ECE1: variants seen among roughly 807,000 people sequenced by gnomAD.
ECE1 encodes the protein endothelin converting enzyme 1, also known as endothelin-converting enzyme 1.
ECE1 carries 35 observed loss-of-function variants against 98.6 expected under a neutral mutation model. The observed-to-expected ratio is 0.35, with a 90% CI of 0.27 to 0.47. The LOEUF is 0.47. Ranked by LOEUF, ECE1 falls within the 20% of genes least tolerant of loss-of-function variation. The pLI is 1.00. For synonymous variants in ECE1, 394 were observed against 407.1 expected (o/e 0.97, Z 0.39); for missense variants, 814 against 1,025.3 (o/e 0.79, Z 2.81).
rs2098190917 is a variant in ECE1 at position 21,238,242 on chromosome 1, G to C, written c.1281C>G (p.Thr427=). ...CGCAAAACTTCCAGCGAGGAAGACAGGTCTGGAAAACACAAGTCAGGGGGC... is the reference window on the plus strand; with the variant it reads ...CGCAAAACTTCCAGCGAGGAAGACACGTCTGGAAAACACAAGTCAGGGGGC... The part of the protein sequence containing the change: ...FMEVMYGTKK[T]CLPRWKFCVS... The change falls in exon 11 of 19, where the codon ACC becomes ACG. Residue 427 remains threonine (T), a splice_region_variant and synonymous_variant. Coordinates refer to ENST00000374893, the MANE Select transcript of ECE1 (RefSeq NM_001397.3). 1 of 1,613,884 alleles carries C rather than the reference G, an allele frequency of 6.2e-7. No homozygotes were observed. Among genetic ancestry groups the C allele is most frequent in the Non-Finnish European group, 8.5e-7 (1 of 1,179,828 alleles).
upstream of ECE1, chr1:21,290,508 C>A: frequency 8.3e-7 from 1 of 1,209,584 alleles, no homozygotes; most frequent in South Asian, 4.2e-5. The surrounding 1 kb of genome is among the most constrained non-coding windows in gnomAD (Gnocchi z 7.3). Flanking sequence ...GGGGCCTGAT[C>A]GGTTCGCCGG....
chr1:21,252,201 C>T (rs2098213698), intron 8 of ECE1, among the ~76,000 whole-genome samples: 1 of 152,240 alleles, frequency 6.6e-6, no homozygotes, highest in South Asian at 2.1e-4. Flanking sequence ...TTAGGGAAAG[C>T]AGGTGTTCTG....
chr1:21,225,544 G>A lies in ECE1; in HGVS notation c.1850-104C>T, dbSNP rs927855486. On this transcript the variant is annotated intron_variant, in intron 16 of 18. Coordinates refer to ENST00000374893, the MANE Select transcript of ECE1 (RefSeq NM_001397.3). The surrounding 1 kb of genome is among the most constrained non-coding windows in gnomAD (Gnocchi z 5.3). ...AGAAGCGGTTCATCCGTCCACCCCC[G>A]TCCTCCAGCCACCATGGGGAGACGA... The A allele has an allele frequency of 3.9e-5, 53 of 1,354,754 alleles. No homozygotes were observed. The highest frequency in any genetic ancestry group is 3.8e-4 in the Admixed American group (19 of 49,410). The allele number at this position is 1,354,754 out of a possible 1,614,324, so 83.9% of individuals were successfully genotyped here.
chr1:21,329,840 G>A (rs866749593), intron 1 of ECE1, among the ~76,000 whole-genome samples: 1 of 152,174 alleles, frequency 6.6e-6, no homozygotes, highest in African/African-American at 2.4e-5. Flanking sequence ...AGTTTGTGAA[G>A]AGCAAAAGCA....
In ECE1 at chr1:21,247,633, G is replaced by A. The variant is rs572951487; in HGVS notation, c.1021-270C>T. The stretch of plus-strand genomic sequence containing the variant: ...CAGCTGCCGCTACCATTCAGCAAGC[G>A]TCTCCTGTGTGCCAGGAGCCGTGGC... On this transcript the variant is annotated intron_variant, in intron 8 of 18. Transcript: ENST00000374893. Among the ~76,000 whole-genome samples, 22 of 152,320 alleles carry A rather than the reference G, an allele frequency of 1.4e-4. No individual in the cohort carries two copies. The South Asian group carries it at 3.3e-3, about 23-fold the overall frequency.
At chr1:21,290,900 G>C (rs2098266042), upstream of ECE1, among the ~76,000 whole-genome samples, 1 of 152,140 alleles carries the variant, frequency 6.6e-6, no homozygotes, top group Admixed American at 6.5e-5. The surrounding 1 kb of genome is among the most constrained non-coding windows in gnomAD (Gnocchi z 7.3). Context: ...AGGCCTTTAA[G>C]CCAGAGTTCG....
At chr1:21,309,000 C>A (rs1306177966) in intron 1 of ECE1, among the ~76,000 whole-genome samples, 1 of 152,216 alleles carries the variant, frequency 6.6e-6, no homozygotes, top group Admixed American at 6.5e-5. Flanking sequence ...GCAGAAACAG[C>A]AGGGCACCTA....
intron 1 of ECE1, among the ~76,000 whole-genome samples, chr1:21,317,608 T>C (rs781313845): frequency 2.6e-5 from 4 of 152,210 alleles, no homozygotes; most frequent in Non-Finnish European, 4.4e-5. Context: ...TCAGACTTTG[T>C]GTTCCTGGCC....
At position 21,225,061 on chromosome 1, in the gene ECE1, C is replaced by T. The variant is rs1243278881; in HGVS notation, c.2040+189G>A. On this transcript the variant is annotated intron_variant, in intron 17 of 18. Coordinates refer to ENST00000374893, the MANE Select transcript of ECE1 (RefSeq NM_001397.3). The surrounding 1 kb of genome is among the most constrained non-coding windows in gnomAD (Gnocchi z 5.3). ...AGCACAAAGCCTTCTGGTGCCAAGC[C>T]CTGTGGTGGGGGAGCCTCCACGGTC... 6.6e-6 allele frequency among the ~76,000 whole-genome samples: 1 copy of T among 152,218 alleles called. No individual in the cohort carries two copies. The highest frequency in any genetic ancestry group is 1.5e-5 in the Non-Finnish European group (1 of 68,040).
At chr1:21,294,338 T>C (rs1249016063), upstream of ECE1, 1 of 152,268 alleles carries the variant, frequency 6.6e-6, no homozygotes, top group Non-Finnish European at 1.5e-5. The surrounding 1 kb of genome is among the most constrained non-coding windows in gnomAD (Gnocchi z 4.2). Context: ...CCGAGTGTGT[T>C]GGGGAAGGTA....
At chr1:21,237,390 G>A (rs2098189726) in intron 11 of ECE1, among the ~76,000 whole-genome samples, 1 of 152,150 alleles carries the variant, frequency 6.6e-6, no homozygotes, top group African/African-American at 2.4e-5. Flanking sequence ...GGAAGGCAGA[G>A]CTGTGCGGCA....
At position 21,340,234 on chromosome 1, in the gene ECE1, G is replaced by A. The variant is rs566398334; in HGVS notation, c.3+5142C>T. On this transcript the variant is annotated intron_variant, in intron 1 of 18. Coordinates refer to the ECE1 transcript ENST00000415912. This position sits in a 1 kb window ranked among gnomAD's most constrained non-coding sequence, Gnocchi z 4.6. Reference sequence around the variant, plus strand: ...AAAGGCTCTGGAGACCAGGGCCCTCGGCTGGTTATCTGCCTGAAAGGATGA... The same window carrying A: ...AAAGGCTCTGGAGACCAGGGCCCTCAGCTGGTTATCTGCCTGAAAGGATGA... Among the ~76,000 whole-genome samples the A allele has an allele frequency of 7.2e-5, 11 of 152,336 alleles. No individual in the cohort carries two copies. Among genetic ancestry groups the A allele is most frequent in the African/African-American group, 1.7e-4 (7 of 41,564 alleles).
At chr1:21,264,327 T>A (rs212535) in intron 4 of ECE1, among the ~76,000 whole-genome samples, 3 of 148,036 alleles carry the variant, frequency 2.0e-5, no homozygotes, top group African/African-American at 7.4e-5. Flanking sequence ...CCCCTTTTTT[T>A]TTTTTGACAC....
In ECE1 at chr1:21,325,999, C is replaced by T. The variant is rs569232336; in HGVS notation, c.3+19377G>A. On this transcript the variant is annotated intron_variant, in intron 1 of 18. Transcript: ENST00000415912. ...GCAGTGATTTCCACAACGGAGCTCCCGGCTGTGGGAAGGGGGCTTTCTTTG... is the reference window on the plus strand; with the variant it reads ...GCAGTGATTTCCACAACGGAGCTCCTGGCTGTGGGAAGGGGGCTTTCTTTG... 2.6e-5 allele frequency among the ~76,000 whole-genome samples: 4 copies of T among 152,290 alleles called. No homozygotes were observed. The East Asian group carries it at 7.8e-4, about 30-fold the overall frequency.
At chr1:21,312,122 C>CAA (rs34057869) in intron 1 of ECE1, among the ~76,000 whole-genome samples, 2 of 113,696 alleles carry the variant, frequency 1.8e-5, no homozygotes, top group South Asian at 2.7e-4. Flanking sequence ...GATTCTGTCT[C>CAA]AAAAAAAAAA....
At chr1:21,273,186 G>A (rs2098242368) in intron 3 of ECE1, among the ~76,000 whole-genome samples, 1 of 152,246 alleles carries the variant, frequency 6.6e-6, no homozygotes, top group Non-Finnish European at 1.5e-5. Flanking sequence ...AATATTCATT[G>A]ACTCTTTATT....
At chr1:21,267,583 T>C (rs2098235531) in intron 4 of ECE1, among the ~76,000 whole-genome samples, 1 of 152,184 alleles carries the variant, frequency 6.6e-6, no homozygotes, top group Non-Finnish European at 1.5e-5. Context: ...TTGAGGGAGC[T>C]ACAATTCAGG....
rs533604317 is a variant in ECE1 at position 21,338,476 on chromosome 1, G to A, written c.3+6900C>T. 1.4e-3 allele frequency among the ~76,000 whole-genome samples: 214 copies of A among 152,322 alleles called. 1 individual carries two copies. Among genetic ancestry groups the A allele is most frequent in the Middle Eastern group, 0.01 (3 of 294 alleles). On this transcript the variant is annotated intron_variant, in intron 1 of 18. Transcript: ENST00000415912. The stretch of plus-strand genomic sequence containing the variant: ...CAGAGGAAGAAAGTGGAGCTCAAAG[G>A]GGTTAGGTGCCTTGCCCCAAGTCTC...
Position 21,228,022 on chromosome 1 carries a change from T to C in ECE1, c.1690A>G (p.Met564Val). The change falls in exon 15 of 19, where the codon ATG (methionine) becomes GTG (valine). Residue 564 changes from methionine (M) to valine (V), a missense_variant. Physicochemically the swap from Met to Val is conservative, Grantham distance 21. Around this residue, in one of 3 missense-constraint regions of ECE1, gnomAD observed 452 missense variants for 567.3 expected, o/e 0.80. Transcript: ENST00000374893. ...GTGGGCGAGTAGTAGGCGTTCACCA[T>C]GGGCGGGGTCATGCTCCACCTGCAA... ...NRDQWSMTPP[M>V]VNAYYSPTKN... 1.9e-6 allele frequency: 3 copies of C among 1,562,922 alleles called. No homozygotes were observed. Among genetic ancestry groups the C allele is most frequent in the East Asian group, 2.4e-5 (1 of 42,050 alleles).
Sources: gnomAD v4.1 joint callset for allele counts (sites outside exome capture counted in the v4.1 genomes callset) on GRCh38, gnomAD v4.1.1 for gene constraint, gnomAD v4.1.1 regional missense constraint, Gnocchi (gnomAD v3.1) non-coding constraint, MANE v1.5 for transcripts, NCBI Gene and HGNC (gene_info 2026-07-23, HGNC 2026-07-21) for gene names.